NEGR1: variants seen among roughly 807,000 people sequenced by gnomAD.
The protein encoded by NEGR1 is IgLON family member 4.
A neutral mutation model predicts 40.9 loss-of-function variants in NEGR1; 10 were observed. The ratio of observed to expected loss-of-function variants is 0.24; its 90% CI spans 0.15 to 0.42. NEGR1 has a LOEUF of 0.42. Among genes scored for constraint, NEGR1 ranks in the 10% least tolerant of loss-of-function variants. The pLI, the probability that NEGR1 is intolerant of heterozygous loss-of-function variation, is 1.00. For missense variants in NEGR1, 352 were observed against 438.9 expected, an observed-to-expected ratio of 0.80 and a Z score of 1.77; for synonymous variants, 185 against 166.8, an observed-to-expected ratio of 1.11 and a Z score of -0.84.
At chr1:72,182,447 C>T (rs1296340841) in intron 1 of NEGR1, among the ~76,000 whole-genome samples, 1 of 152,078 alleles carries the variant, frequency 6.6e-6, no homozygotes, top group African/African-American at 2.4e-5. Context: ...GAGCCAAGAT[C>T]ATGCCACTGC....
intron 1 of NEGR1, among the ~76,000 whole-genome samples, chr1:72,019,531 T>C (rs1434441101): frequency 1.3e-5 from 2 of 152,158 alleles, no homozygotes; most frequent in Non-Finnish European, 2.9e-5. Context: ...AGAATGAAAG[T>C]ACCACTAAAG....
intron 1 of NEGR1, among the ~76,000 whole-genome samples, chr1:72,252,051 A>T (rs1266364170): frequency 6.6e-6 from 1 of 152,134 alleles, no homozygotes; most frequent in Non-Finnish European, 1.5e-5. Flanking sequence ...TTTTATTTGA[A>T]TCTTCCTAAA....
intron 2 of NEGR1, among the ~76,000 whole-genome samples, chr1:71,790,763 C>T (rs555280932): frequency 2.0e-5 from 3 of 152,158 alleles, no homozygotes; most frequent in East Asian, 1.9e-4. Context: ...TGAGTGAATG[C>T]TTGAGTCAAA....
intron 6 of NEGR1, among the ~76,000 whole-genome samples, chr1:71,494,367 T>A (rs1218631170): frequency 6.6e-6 from 1 of 152,174 alleles, no homozygotes; most frequent in African/African-American, 2.4e-5. Context: ...GCTTCCCTGA[T>A]TGGCAAACTC....
intron 1 of NEGR1, among the ~76,000 whole-genome samples, chr1:72,257,937 A>G (rs935385002): frequency 2.0e-5 from 3 of 152,164 alleles, no homozygotes; most frequent in Admixed American, 2.0e-4. Context: ...ACTTGGAAAA[A>G]GTTTATTTTA....
intron 4 of NEGR1, among the ~76,000 whole-genome samples, chr1:71,615,361 G>T (rs1650415589): frequency 6.6e-6 from 1 of 152,126 alleles, no homozygotes. Context: ...AGAGCAGGGT[G>T]AAAGAAAAAG....
At chr1:72,168,438 C>T (rs1651845334) in intron 1 of NEGR1, among the ~76,000 whole-genome samples, 3 of 151,942 alleles carry the variant, frequency 2.0e-5, no homozygotes, top group Admixed American at 6.6e-5. Flanking sequence ...GGTATGTACA[C>T]AGGAACAATT....
intron 6 of NEGR1, among the ~76,000 whole-genome samples, chr1:71,473,695 A>T (rs1036811665): frequency 3.3e-5 from 5 of 152,038 alleles, no homozygotes; most frequent in Admixed American, 1.3e-4. Flanking sequence ...ATGAACCTGG[A>T]CCTTATGGAT....
chr1:71,853,356 G>A lies in NEGR1; in HGVS notation c.410-77059C>T, dbSNP rs17091839. Among the ~76,000 whole-genome samples the A allele has an allele frequency of 8.8e-3, 1,345 of 152,054 alleles. 22 individuals carry two copies. Among genetic ancestry groups the A allele is most frequent in the African/African-American group, 0.031 (1,291 of 41,494 alleles). On this transcript the variant is annotated intron_variant, in intron 2 of 6. Transcript: ENST00000357731. Reference sequence around the variant, plus strand: ...TACAACTGTGTTCTTGTTATTCCACGTAAAGAGATGACATATAGGATTTAA... The same window carrying A: ...TACAACTGTGTTCTTGTTATTCCACATAAAGAGATGACATATAGGATTTAA...
intron 3 of NEGR1, among the ~76,000 whole-genome samples, chr1:71,736,023 C>T (rs572274087): frequency 2.0e-5 from 3 of 152,174 alleles, no homozygotes; most frequent in Non-Finnish European, 4.4e-5. Flanking sequence ...TGATAATACA[C>T]TTCACAACCT....
At chr1:71,497,883 T>TA (rs1174685702) in intron 6 of NEGR1, among the ~76,000 whole-genome samples, 6 of 152,264 alleles carry the variant, frequency 3.9e-5, no homozygotes, top group Admixed American at 2.6e-4. Context: ...CGAAACTATA[T>TA]ATCTTCTATG....
chr1:71,705,485 C>T (rs564991328), intron 3 of NEGR1, among the ~76,000 whole-genome samples: 5 of 152,162 alleles, frequency 3.3e-5, no homozygotes, highest in African/African-American at 9.6e-5. Flanking sequence ...ATTTTTAAAC[C>T]ACATATTAAA....
chr1:72,106,174 G>T (rs986580960), intron 1 of NEGR1, among the ~76,000 whole-genome samples: 1 of 152,056 alleles, frequency 6.6e-6, no homozygotes, highest in South Asian at 2.1e-4. Context: ...CACTAACACA[G>T]AGTCAAAAAG....
At chr1:72,248,350 C>T (rs544650483) in intron 1 of NEGR1, among the ~76,000 whole-genome samples, 2 of 152,072 alleles carry the variant, frequency 1.3e-5, no homozygotes, top group South Asian at 2.1e-4. Flanking sequence ...CTCCGCCTTC[C>T]GGGTTCAAGC....
intron 1 of NEGR1, among the ~76,000 whole-genome samples, chr1:72,230,734 A>C (rs1335203876): frequency 6.6e-6 from 1 of 152,160 alleles, no homozygotes; most frequent in African/African-American, 2.4e-5. Context: ...TATTATATCC[A>C]AAATTCTACC....
In NEGR1 at chr1:71,617,270, G is replaced by A. The variant is rs148115288; in HGVS notation, c.668-6124C>T. Reference sequence around the variant, plus strand: ...GAGGCTGCTGTTCAAAAGGTGGCACGTGTTCCTCCTTTGGCTAGCACCATA... The same window carrying A: ...GAGGCTGCTGTTCAAAAGGTGGCACATGTTCCTCCTTTGGCTAGCACCATA... On this transcript the variant is annotated intron_variant, in intron 4 of 6. Transcript: ENST00000357731. Among the ~76,000 whole-genome samples the A allele has an allele frequency of 4.8e-3, 725 of 152,302 alleles. 6 individuals carry two copies. Among genetic ancestry groups the A allele is most frequent in the Middle Eastern group, 0.01 (3 of 294 alleles).
intron 1 of NEGR1, among the ~76,000 whole-genome samples, chr1:72,107,171 G>A (rs1047328187): frequency 9.2e-5 from 14 of 151,702 alleles, no homozygotes; most frequent in African/African-American, 3.4e-4. Context: ...ACAGAGGAGG[G>A]AAATGAACTT....
intron 1 of NEGR1, among the ~76,000 whole-genome samples, chr1:72,026,544 C>T (rs1289317190): frequency 2.6e-5 from 4 of 151,772 alleles, no homozygotes; most frequent in Non-Finnish European, 2.9e-5. Flanking sequence ...TTTAAAACAA[C>T]AACAACAAAA....
intron 6 of NEGR1, among the ~76,000 whole-genome samples, chr1:71,530,866 A>G (rs1647336315): frequency 6.6e-6 from 1 of 151,072 alleles, no homozygotes; most frequent in South Asian, 2.1e-4. Context: ...AACTTTTTCC[A>G]TATCTGGGTG....
Sources: allele counts gnomAD v4.1 joint callset (sites outside exome capture counted in the v4.1 genomes callset), GRCh38; gene constraint gnomAD v4.1.1; transcripts MANE v1.5; gene names NCBI Gene and HGNC (gene_info 2026-07-23, HGNC 2026-07-21).